NMI: variants seen among roughly 807,000 people sequenced by gnomAD.
The protein encoded by NMI is N-myc and STAT interactor.
NMI carries 39 observed loss-of-function variants against 34.3 expected under a neutral mutation model. The ratio of observed to expected loss-of-function variants is 1.14; its 90% CI spans 0.88 to 1.49. The LOEUF is 1.49. NMI is among the 40% of genes most tolerant of loss of function. The pLI, the probability that NMI is intolerant of heterozygous loss-of-function variation, is 0.00. For missense variants in NMI, 339 were observed against 358.1 expected (o/e 0.95, Z 0.43); for synonymous variants, 113 against 120.3 (o/e 0.94, Z 0.40).
chr2:151,284,101 T>C (rs1405789812), intron 1 of NMI, among the ~76,000 whole-genome samples: 1 of 152,134 alleles, frequency 6.6e-6, no homozygotes, highest in East Asian at 1.9e-4. Flanking sequence ...CTCATGTCTG[T>C]AATCCCAGCA....
chr2:151,274,417 G>A (rs1683248992), intron 6 of NMI, among the ~76,000 whole-genome samples: 1 of 136,530 alleles, frequency 7.3e-6, no homozygotes, highest in Non-Finnish European at 1.6e-5. Context: ...AGCCTGGAAA[G>A]ACACCCAAAT....
In NMI at chr2:151,282,897, C is replaced by G; in HGVS notation, c.52G>C (p.Asp18His). ...TQQILKEHSPDEFIKDEQNKG... is the reference protein window; with the variant it reads ...TQQILKEHSPHEFIKDEQNKG... ...TTTTGTTCATCTTTTATAAATTCAT[C>G]TGGCGAATGCTCCTTAAGAATTTGT... Residue 18 changes from aspartate (D) to histidine (H), a missense_variant, in exon 2 of 8, where the codon GAT becomes CAT. Physicochemically the swap from Asp to His is moderately conservative, Grantham distance 81 (BLOSUM62 -1). Transcript: ENST00000243346. 6.5e-7 allele frequency: 1 copy of G among 1,528,802 alleles called. No homozygotes were observed. The highest frequency in any genetic ancestry group is 8.8e-7 in the Non-Finnish European group (1 of 1,130,710). The allele number at this position is 1,528,802 out of a possible 1,614,324, so 94.7% of individuals were successfully genotyped here.
chr2:151,280,891 G>A (rs1011952971), intron 3 of NMI, among the ~76,000 whole-genome samples: 1 of 151,312 alleles, frequency 6.6e-6, no homozygotes, highest in Non-Finnish European at 1.5e-5. Context: ...CGCCCAGGCT[G>A]GAGCACAGTG....
At chr2:151,282,135 A>G in intron 2 of NMI, 92 bp from the exon 3 acceptor site, 1 of 641,072 alleles carries the variant, frequency 1.6e-6, no homozygotes, top group Non-Finnish European at 2.8e-6. Context: ...TCTCATCCTG[A>G]CCAAAGAAAG....
chr2:151,281,340 C>T lies in NMI; in HGVS notation c.177+608G>A, dbSNP rs78306821. Among the ~76,000 whole-genome samples the T allele has an allele frequency of 9.5e-3, 1,445 of 152,218 alleles. 31 individuals are homozygous for T. The highest frequency in any genetic ancestry group is 0.033 in the African/African-American group (1,385 of 41,522). ...TATAAAAGAACTCAGTGAGAAAAGC[C>T]AGAATTTGATCCAACAGTAATTTGC... On this transcript the variant is annotated intron_variant, in intron 3 of 7. Coordinates refer to ENST00000243346, the MANE Select transcript of NMI (RefSeq NM_004688.3).
chr2:151,285,110 AAC>A (rs1363332675), intron 1 of NMI, among the ~76,000 whole-genome samples: 7 of 152,302 alleles, frequency 4.6e-5, no homozygotes, highest in African/African-American at 1.7e-4. Flanking sequence ...CACATGCACA[AAC>A]ACATACAATA....
rs759680469 is a variant in NMI, at chr2:151,271,709, T to C, written c.658A>G (p.Lys220Glu). The C allele has an allele frequency of 6.4e-7, 1 of 1,567,056 alleles. No homozygotes were observed. Among genetic ancestry groups the C allele is most frequent in the Non-Finnish European group, 8.8e-7 (1 of 1,142,050 alleles). The change falls in exon 7 of 8, where the codon AAA becomes GAA. Residue 220 changes from lysine (K) to glutamate (E), a missense_variant. Transcript: ENST00000243346. ...TGATTTATATAAAGAGGGTATTCTT[T>C]CTTTTTCAAAATCTTGTCAGCCACT... Reference protein sequence around the residue: ...IGVADKILKKKEYPLYINQTC... With the variant: ...IGVADKILKKEEYPLYINQTC...
At chr2:151,276,819 C>CA (rs1424525154) in intron 4 of NMI, among the ~76,000 whole-genome samples, 3 of 152,082 alleles carry the variant, frequency 2.0e-5, no homozygotes, top group Admixed American at 2.0e-4. Flanking sequence ...TCCACTTTTG[C>CA]AAAAATGCTC....
rs1161230944 is a variant in NMI at position 151,275,829 on chromosome 2, C to A, written c.376G>T (p.Val126Leu). The change falls in exon 5 of 8, where the codon GTA (valine) becomes TTA (leucine). Residue 126 changes from valine to leucine, a missense_variant. By Grantham distance (32) the Val-to-Leu change is conservative. Transcript: ENST00000243346. The stretch of plus-strand genomic sequence containing the variant: ...TCCAGATTTACATCTTTTATCTGTA[C>A]ATGATGTTTACTCATGCTTACCACA... Reference protein sequence around the residue: ...QNVVSMSKHHVQIKDVNLEVT... With the variant: ...QNVVSMSKHHLQIKDVNLEVT... 6.2e-7 allele frequency: 1 copy of A among 1,610,676 alleles called. No homozygotes were observed. The highest frequency in any genetic ancestry group is 1.7e-4 in the Middle Eastern group (1 of 6,048).
chr2:151,287,167 G>A lies in NMI; in HGVS notation c.-7+2426C>T, dbSNP rs144198187. Among the ~76,000 whole-genome samples the A allele has an allele frequency of 8.2e-3, 1,248 of 152,020 alleles. 10 individuals carry two copies. The highest frequency in any genetic ancestry group is 0.013 in the Non-Finnish European group (855 of 68,004). On this transcript the variant is annotated intron_variant, in intron 1 of 7. Coordinates refer to ENST00000243346, the MANE Select transcript of NMI (RefSeq NM_004688.3). ...CTCAAGTATATAATGAAAGATGATA[G>A]GTCACCAGATTGGAAATTTATTCTT...
At chr2:151,289,221 C>A (rs1448007881) in intron 1 of NMI, 1 of 138,012 alleles carries the variant, frequency 7.2e-6, no homozygotes, top group African/African-American at 2.7e-5. Flanking sequence ...CCACTGCACT[C>A]CAGCCTGAGC....
chr2:151,281,097 C>G (rs1683394209), intron 3 of NMI, among the ~76,000 whole-genome samples: 1 of 152,142 alleles, frequency 6.6e-6, no homozygotes. Flanking sequence ...CTCAGCCTCC[C>G]AAAGTGCTGG....
intron 1 of NMI, among the ~76,000 whole-genome samples, chr2:151,285,280 G>A (rs975087274): frequency 2.0e-5 from 3 of 152,036 alleles, no homozygotes; most frequent in African/African-American, 7.2e-5. Flanking sequence ...TGGAAATGGA[G>A]AAAACAAGAA....
At chr2:151,274,114 G>A (rs1014620441) in intron 6 of NMI, among the ~76,000 whole-genome samples, 3 of 151,706 alleles carry the variant, frequency 2.0e-5, no homozygotes, top group Non-Finnish European at 4.4e-5. Context: ...AAGCCAAGGC[G>A]GGCGTATCAC....
chr2:151,273,906 G>T (rs1350730406), intron 6 of NMI, among the ~76,000 whole-genome samples: 2 of 152,182 alleles, frequency 1.3e-5, no homozygotes, highest in East Asian at 3.9e-4. Context: ...AAATCTGGAT[G>T]CTTGACTATG....
intron 3 of NMI, among the ~76,000 whole-genome samples, chr2:151,280,317 T>C (rs1683368016): frequency 6.6e-6 from 1 of 152,246 alleles, no homozygotes; most frequent in Non-Finnish European, 1.5e-5. Context: ...GATGCTTGCA[T>C]TTCTATTGCC....
intron 3 of NMI, among the ~76,000 whole-genome samples, chr2:151,280,195 C>CA (rs10645520): frequency 1.5e-4 from 20 of 136,396 alleles, no homozygotes; most frequent in East Asian, 6.3e-4. Context: ...AACTCTGTTT[C>CA]AAAAAAAAAA....
rs189993135 is a variant in NMI, at chr2:151,275,553, C to T, written c.565G>A (p.Gly189Arg). Residue 189 changes from glycine (G) to arginine (R), a missense_variant, in exon 6 of 8, where the codon GGA becomes AGA. Gly to Arg is a moderately radical substitution (Grantham distance 125). Coordinates refer to ENST00000243346, the MANE Select transcript of NMI (RefSeq NM_004688.3). The stretch of plus-strand genomic sequence containing the variant: ...TCATAGTCCACGCGGTCCACCTCTC[C>T]GCCTCCATTTCGGGACTTTGAAAAG... ...LSFSKSRNGG[G>R]EVDRVDYDRQ... 34 of 1,614,196 alleles carry T rather than the reference C, an allele frequency of 2.1e-5. No homozygotes were observed. Among genetic ancestry groups the T allele is most frequent in the Middle Eastern group, 3.3e-4 (2 of 6,058 alleles).
intron 4 of NMI, 48 bp downstream of exon 4, chr2:151,278,780 A>G: frequency 7.0e-7 from 1 of 1,432,760 alleles, no homozygotes; most frequent in Non-Finnish European, 9.8e-7. Context: ...AATGTCTATG[A>G]AAGTGCTTTC....
Sources: allele counts gnomAD v4.1 joint callset (sites outside exome capture counted in the v4.1 genomes callset), GRCh38; gene constraint gnomAD v4.1.1; transcripts MANE v1.5; gene names NCBI Gene and HGNC (gene_info 2026-07-23, HGNC 2026-07-21).